The following SORCS2 variants were observed in gnomAD, a reference collection of about 807,000 sequenced individuals.
SORCS2 encodes the protein sortilin related VPS10 domain containing receptor 2.
SORCS2 carries 100 observed loss-of-function variants against 141.6 expected under a neutral mutation model. The ratio of observed to expected loss-of-function variants is 0.71; its 90% confidence interval spans 0.60 to 0.83. The LOEUF (loss-of-function observed/expected upper bound fraction) is 0.83. SORCS2 is among the 40% of genes least tolerant of loss of function. The probability of loss-of-function intolerance (pLI) is 0.00; values close to 1 mark genes in which losing one functional copy is unlikely to be tolerated. For missense variants in SORCS2, 1,646 were observed against 1,560.2 expected (o/e 1.05, Z -0.93); for synonymous variants, 789 against 676.9 (o/e 1.17, Z -2.57).
intron 2 of SORCS2, among the ~76,000 whole-genome samples, chr4:7,437,140 G>A (rs1441137297): frequency 6.6e-6 from 1 of 152,132 alleles, no homozygotes; most frequent in Admixed American, 6.5e-5. Context: ...TAAGGGCTCA[G>A]CCCCCACTGT....
At chr4:7,387,571 A>C (rs1403532689) in intron 1 of SORCS2, among the ~76,000 whole-genome samples, 1 of 151,826 alleles carries the variant, frequency 6.6e-6, no homozygotes, top group Non-Finnish European at 1.5e-5. Flanking sequence ...ACACACGCAC[A>C]CATGCACACA....
intron 1 of SORCS2, among the ~76,000 whole-genome samples, chr4:7,351,708 T>C (rs1560212024): frequency 1.0e-5 from 1 of 97,932 alleles, no homozygotes; most frequent in East Asian, 4.3e-4. Flanking sequence ...CATCCATCCA[T>C]CCTTCTACCC....
chr4:7,568,070 C>T (rs1577765017), intron 3 of SORCS2, among the ~76,000 whole-genome samples: 1 of 152,294 alleles, frequency 6.6e-6, no homozygotes, highest in East Asian at 1.9e-4. Context: ...CAAGCATCAA[C>T]CATTTCTCCA....
intron 3 of SORCS2, among the ~76,000 whole-genome samples, chr4:7,621,708 A>C (rs1719205761): frequency 6.6e-6 from 1 of 152,258 alleles, no homozygotes; most frequent in African/African-American, 2.4e-5. Flanking sequence ...ACAGAAACCC[A>C]GTCAATAAAT....
Position 7,672,353 on chromosome 4 carries a change from C to T in SORCS2, c.1162-3697C>T, listed in dbSNP as rs115033545. On this transcript the variant is annotated intron_variant, in intron 8 of 26. Transcript: ENST00000507866. ...TCAACAGATGTCTCATCAGGAACCC[C>T]GGAGTTCAGAAGGCAGCGAGCTGAT... Among the ~76,000 whole-genome samples, 807 of 152,212 alleles carry T rather than the reference C, an allele frequency of 5.3e-3. 8 individuals are homozygous for T. The highest frequency in any genetic ancestry group is 0.017 in the African/African-American group (726 of 41,524).
At chr4:7,733,204 AC>A (rs941143465) in intron 23 of SORCS2, 117 bp from the exon 24 acceptor site, 5 of 216,194 alleles carry the variant, frequency 2.3e-5, no homozygotes, top group East Asian at 4.3e-4. Flanking sequence ...CTGGTAGAAG[AC>A]CCCCCCAACA....
intron 1 of SORCS2, among the ~76,000 whole-genome samples, chr4:7,290,900 C>T (rs190725877): frequency 6.6e-6 from 1 of 150,414 alleles, no homozygotes; most frequent in Admixed American, 6.9e-5. Context: ...TAGTCCCTGG[C>T]TGGCTGGCTG....
intron 23 of SORCS2, among the ~76,000 whole-genome samples, chr4:7,730,940 T>C (rs16840929): frequency 0.51 from 77,525 of 152,162 alleles, 19,864 homozygotes; most frequent in Admixed American, 0.6. Context: ...GGGAGACTGA[T>C]GCTCACTCAG....
chr4:7,408,433 T>G (rs988454913), intron 2 of SORCS2, among the ~76,000 whole-genome samples: 2 of 152,106 alleles, frequency 1.3e-5, no homozygotes, highest in Non-Finnish European at 2.9e-5. Context: ...CACTCCTTCC[T>G]GGCCTGTATG....
intron 18 of SORCS2, among the ~76,000 whole-genome samples, chr4:7,723,480 C>T (rs545105395): frequency 6.6e-6 from 1 of 152,186 alleles, no homozygotes; most frequent in Non-Finnish European, 1.5e-5. Flanking sequence ...GCCACAGCCC[C>T]TAGTTAAACC....
At chr4:7,351,115 C>T (rs1311716567) in intron 1 of SORCS2, among the ~76,000 whole-genome samples, 1 of 152,218 alleles carries the variant, frequency 6.6e-6, no homozygotes, top group South Asian at 2.1e-4. Context: ...GCTACACGCC[C>T]CCCCACTTAG....
chr4:7,462,026 T>G (rs1398443091), intron 2 of SORCS2, among the ~76,000 whole-genome samples: 1 of 152,108 alleles, frequency 6.6e-6, no homozygotes, highest in Non-Finnish European at 1.5e-5. Context: ...TGCCCAAAGT[T>G]CTAAGGAATT....
At chr4:7,560,895 T>A (rs1714487340) in intron 3 of SORCS2, among the ~76,000 whole-genome samples, 1 of 152,170 alleles carries the variant, frequency 6.6e-6, no homozygotes, top group Admixed American at 6.5e-5. Context: ...AAATGTAGCC[T>A]TGGGAGGTAG....
chr4:7,695,301 TGAGTGAATG>T (rs1724532044), intron 11 of SORCS2, among the ~76,000 whole-genome samples: 2 of 35,092 alleles, frequency 5.7e-5, no homozygotes, highest in Non-Finnish European at 1.1e-4. Flanking sequence ...GTTGGATGGG[TGAGTGAATG>T]GGTGGGTGGG....
intron 2 of SORCS2, among the ~76,000 whole-genome samples, chr4:7,446,059 C>CCCTT (rs1727973572): frequency 6.6e-6 from 1 of 152,070 alleles, no homozygotes; most frequent in Admixed American, 6.5e-5. Context: ...CATTTCTTCC[C>CCCTT]CCTTCCTTCC....
chr4:7,618,517 T>C (rs1188554294), intron 3 of SORCS2, among the ~76,000 whole-genome samples: 6 of 152,168 alleles, frequency 3.9e-5, no homozygotes, highest in Admixed American at 3.9e-4. Context: ...GCCCGCACTC[T>C]GCCTGCCTCT....
In SORCS2 at chr4:7,285,471, A is replaced by G. The variant is rs141122675; in HGVS notation, c.480+92345A>G. Among the ~76,000 whole-genome samples the G allele has an allele frequency of 1.2e-3, 188 of 152,310 alleles. 2 individuals are homozygous for G. Among genetic ancestry groups the G allele is most frequent in the African/African-American group, 4.3e-3 (178 of 41,570 alleles). On this transcript the variant is annotated intron_variant, in intron 1 of 26. Coordinates refer to ENST00000507866, the MANE Select transcript of SORCS2 (RefSeq NM_020777.3). Reference sequence around the variant, plus strand: ...CATGCACTCCCCCACACTGTTCACTATCTCATGCCCCACTCACCACTGCAC... The same window carrying G: ...CATGCACTCCCCCACACTGTTCACTGTCTCATGCCCCACTCACCACTGCAC...
intron 2 of SORCS2, among the ~76,000 whole-genome samples, chr4:7,503,120 G>T (rs1188974699): frequency 6.6e-6 from 1 of 152,098 alleles, no homozygotes. Context: ...TATATCAGAG[G>T]CCTAAAATAT....
At chr4:7,587,507 G>C (rs1307897487) in intron 3 of SORCS2, among the ~76,000 whole-genome samples, 1 of 152,238 alleles carries the variant, frequency 6.6e-6, no homozygotes, top group East Asian at 1.9e-4. Flanking sequence ...TTGGAGATGA[G>C]ACTGACGAAT....
Sources: allele counts gnomAD v4.1 joint callset (sites outside exome capture counted in the v4.1 genomes callset), GRCh38; gene constraint gnomAD v4.1.1; transcripts MANE v1.5; gene names NCBI Gene and HGNC (gene_info 2026-07-23, HGNC 2026-07-21).